The following DTX1 variants were observed in gnomAD, a reference collection of about 807,000 sequenced individuals.
DTX1 encodes the protein deltex E3 ubiquitin ligase 1.
Under a neutral mutation model 57.8 loss-of-function variants are expected in DTX1, and 26 were observed. That is an observed-to-expected ratio of 0.45 (90% confidence interval 0.33 to 0.62). The LOEUF (loss-of-function observed/expected upper bound fraction) is 0.62, where lower values mean the gene tolerates loss of function less well. Among genes scored for constraint, DTX1 ranks in the 20% least tolerant of loss-of-function variants. The pLI, the probability that DTX1 is intolerant of heterozygous loss-of-function variation, is 0.02. For missense variants in DTX1, 704 were observed against 895.3 expected (o/e 0.79, Z 2.73); for synonymous variants, 398 against 394.1 (o/e 1.01, Z -0.12).
chr12:113,061,713 T>C (rs982151604), intron 2 of DTX1, among the ~76,000 whole-genome samples: 3 of 152,132 alleles, frequency 2.0e-5, no homozygotes, highest in Admixed American at 2.0e-4. Flanking sequence ...TTTTTTCTTC[T>C]TTTTTTGAGA....
chr12:113,094,148 C>A, intron 6 of DTX1, 49 bp downstream of exon 6: 2 of 1,499,982 alleles, frequency 1.3e-6, no homozygotes, highest in African/African-American at 1.4e-5. Flanking sequence ...ATGGAGGGGG[C>A]AGGAACCCTC....
rs376713779 is a variant in DTX1 at position 113,096,937 on chromosome 12, T to A, written c.1861T>A (p.Ter621ArgextTer26). The A allele has an allele frequency of 1.2e-6, 2 of 1,609,268 alleles. No homozygotes were observed. The highest frequency in any genetic ancestry group is 1.3e-5 in the African/African-American group (1 of 74,928). The change falls in exon 10 of 10, where the codon TGA becomes AGA. Residue 621 changes from the stop codon to arginine, a stop_lost. Transcript: ENST00000548759. ...QGVSEAAAKA[*>R] ...CGTATCCGAGGCTGCAGCCAAGGCTTGAGGCCCAAGGCTGCCCACCTTCCC... is the reference window on the plus strand; with the variant it reads ...CGTATCCGAGGCTGCAGCCAAGGCTAGAGGCCCAAGGCTGCCCACCTTCCC...
intron 2 of DTX1, among the ~76,000 whole-genome samples, chr12:113,069,820 A>G (rs113562815): frequency 0.085 from 12,933 of 152,162 alleles, 760 homozygotes; most frequent in African/African-American, 0.16. Flanking sequence ...ACTGCGGAGC[A>G]TTCGGTAAGG....
intron 3 of DTX1, among the ~76,000 whole-genome samples, chr12:113,086,260 A>AG (rs1368300487): frequency 2.4e-5 from 3 of 124,066 alleles, no homozygotes; most frequent in Non-Finnish European, 3.7e-5. Context: ...CCCTGTATCA[A>AG]GAAAAAAAAA....
intron 9 of DTX1, 112 bp downstream of exon 9, chr12:113,095,526 C>T (rs1239863930): frequency 3.6e-6 from 5 of 1,376,212 alleles, no homozygotes; most frequent in Non-Finnish European, 5.0e-6. Flanking sequence ...CACATTCCTC[C>T]CAAAAGCAGC....
intron 3 of DTX1, among the ~76,000 whole-genome samples, chr12:113,079,120 T>G (rs2044796483): frequency 6.6e-6 from 1 of 152,116 alleles, no homozygotes. Context: ...GTGCCTACCC[T>G]GGACTCCAGA....
intron 9 of DTX1, 33 bp downstream of exon 9, chr12:113,095,447 G>A (rs1950282606): frequency 6.2e-7 from 1 of 1,613,412 alleles, no homozygotes; most frequent in African/African-American, 1.3e-5. Context: ...ATGGGAGATA[G>A]GCACAGGCAG....
Position 113,058,228 on chromosome 12 carries a change from GAATGGT to G in DTX1, c.37_42del (p.Asn13_Gly14del), listed in dbSNP as rs2044642959. On this transcript the variant is annotated inframe_deletion, in exon 2 of 10. Transcript: ENST00000548759. ...CAGGCCACGGTGGGCTGATGCCTGT[GAATGGT>G]CTGGGCTTCCCACCGCAGAACGTGG... The G allele has an allele frequency of 6.2e-7, 1 of 1,612,648 alleles. No homozygotes were observed. The highest frequency in any genetic ancestry group is 1.3e-5 in the African/African-American group (1 of 74,898).
At chr12:113,091,001 G>A (rs1035159930) in intron 3 of DTX1, among the ~76,000 whole-genome samples, 23 of 152,334 alleles carry the variant, frequency 1.5e-4, no homozygotes, top group Admixed American at 9.8e-4. Context: ...TCGTGTGTCC[G>A]CGTGTGGACG....
intron 3 of DTX1, among the ~76,000 whole-genome samples, chr12:113,087,065 A>T (rs1449653558): frequency 3.3e-5 from 5 of 151,580 alleles, no homozygotes; most frequent in Non-Finnish European, 5.9e-5. Context: ...CCTGCCCCCA[A>T]CCATCTCCTC....
At chr12:113,094,655 T>C in intron 6 of DTX1, 134 bp from the exon 7 acceptor site, 1 of 1,037,290 alleles carries the variant, frequency 9.6e-7, no homozygotes, top group Non-Finnish European at 1.4e-6. Context: ...AGAGGGTGTG[T>C]CCTGTCTCCC....
chr12:113,095,576 C>A, intron 9 of DTX1, 162 bp downstream of exon 9: 3 of 850,848 alleles, frequency 3.5e-6, no homozygotes, highest in Non-Finnish European at 5.4e-6. Flanking sequence ...CTTCACACAT[C>A]TTATCTCGTT....
intron 2 of DTX1, among the ~76,000 whole-genome samples, chr12:113,065,484 G>C (rs961297147): frequency 4.6e-5 from 7 of 151,980 alleles, no homozygotes; most frequent in Non-Finnish European, 8.8e-5. Flanking sequence ...AGACCCCCTC[G>C]CAGCCCTCTC....
At chr12:113,092,008 G>A (rs1262034689) in intron 3 of DTX1, among the ~76,000 whole-genome samples, 1 of 152,170 alleles carries the variant, frequency 6.6e-6, no homozygotes, top group East Asian at 1.9e-4. Flanking sequence ...ACACATCACC[G>A]CAAGCTCTCC....
At chr12:113,068,953 G>A (rs1311520264) in intron 2 of DTX1, among the ~76,000 whole-genome samples, 2 of 152,300 alleles carry the variant, frequency 1.3e-5, no homozygotes, top group East Asian at 3.9e-4. Context: ...CAGGCAAATT[G>A]CTTCACCTCT....
intron 3 of DTX1, among the ~76,000 whole-genome samples, chr12:113,090,932 C>T (rs1006101916): frequency 1.3e-4 from 20 of 152,182 alleles, no homozygotes; most frequent in African/African-American, 3.9e-4. Context: ...TGTCCTCCTG[C>T]GCCCCCATGC....
intron 3 of DTX1, among the ~76,000 whole-genome samples, chr12:113,086,020 C>T (rs909495908): frequency 5.9e-5 from 9 of 152,286 alleles, no homozygotes; most frequent in African/African-American, 1.9e-4. Context: ...GTAATCCCAG[C>T]ACTTTGGGAG....
At chr12:113,059,233 C>T (rs957587990) in intron 2 of DTX1, among the ~76,000 whole-genome samples, 4 of 151,566 alleles carry the variant, frequency 2.6e-5, no homozygotes, top group East Asian at 3.9e-4. Flanking sequence ...TCAGTGATAG[C>T]GTTAACCATG....
intron 3 of DTX1, among the ~76,000 whole-genome samples, chr12:113,085,862 G>A (rs934584052): frequency 2.0e-5 from 3 of 152,148 alleles, no homozygotes; most frequent in Non-Finnish European, 2.9e-5. Flanking sequence ...GTAGAAAGTA[G>A]TAACTGCTAC....
Sources: gnomAD v4.1 joint callset for allele counts (sites outside exome capture counted in the v4.1 genomes callset) on GRCh38, gnomAD v4.1.1 for gene constraint, MANE v1.5 for transcripts, NCBI Gene and HGNC (gene_info 2026-07-23, HGNC 2026-07-21) for gene names.